MYO1E: variants seen among roughly 807,000 people sequenced by gnomAD.
MYO1E encodes myosin IE.
MYO1E carries 68 observed loss-of-function variants against 151.1 expected under a neutral mutation model. That is an observed-to-expected ratio of 0.45 (90% CI 0.37 to 0.55). The LOEUF (loss-of-function observed/expected upper bound fraction) is 0.55. MYO1E is among the 20% of genes least tolerant of loss of function. The pLI, the probability that MYO1E is intolerant of heterozygous loss-of-function variation, is 0.00. For missense variants in MYO1E, 1,363 were observed against 1,389.3 expected, an observed-to-expected ratio of 0.98 and a Z score of 0.30; for synonymous variants, 601 against 501.7, an observed-to-expected ratio of 1.20 and a Z score of -2.64.
At chr15:59,314,603 T>C (rs2080574230) in intron 1 of MYO1E, among the ~76,000 whole-genome samples, 1 of 151,808 alleles carries the variant, frequency 6.6e-6, no homozygotes, top group African/African-American at 2.4e-5. Flanking sequence ...TGGCTTAGGC[T>C]CATTATACAA....
At chr15:59,174,649 A>G (rs1267709967) in intron 19 of MYO1E, among the ~76,000 whole-genome samples, 1 of 152,144 alleles carries the variant, frequency 6.6e-6, no homozygotes, top group East Asian at 1.9e-4. Context: ...GCACTTCTGC[A>G]TGCAGCCTCT....
chr15:59,279,977 A>T (rs2080343679), intron 1 of MYO1E, among the ~76,000 whole-genome samples: 1 of 152,240 alleles, frequency 6.6e-6, no homozygotes, highest in African/African-American at 2.4e-5. Flanking sequence ...TTCATTGTGA[A>T]AAAAGTTAGA....
At chr15:59,205,534 A>AATTGAACAAAATCATTT in intron 14 of MYO1E, 49 bp from the exon 15 acceptor site, 1 of 1,337,826 alleles carries the variant, frequency 7.5e-7, no homozygotes, top group Non-Finnish European at 1.0e-6. Flanking sequence ...AAATGTAATT[A>AATTGAACAAAATCATTT]ATTGAACAAA....
At chr15:59,151,399 C>T (rs1353312011) in intron 26 of MYO1E, among the ~76,000 whole-genome samples, 2 of 152,080 alleles carry the variant, frequency 1.3e-5, no homozygotes, top group African/African-American at 2.4e-5. Context: ...CACTGCACTC[C>T]AGCCTGGCAA....
intron 2 of MYO1E, among the ~76,000 whole-genome samples, chr15:59,271,796 C>G (rs1295683460): frequency 6.6e-6 from 1 of 152,222 alleles, no homozygotes; most frequent in Non-Finnish European, 1.5e-5. Flanking sequence ...GCTTTGCAGT[C>G]AGGATGCATT....
In MYO1E at chr15:59,223,074, C is replaced by T. The variant is rs2140349213; in HGVS notation, c.895G>A (p.Val299Met). ...GGCTACGCACACTCTTCACTCTCCA[C>T]AGCCGCGTAGTTGCCAACTTCTTTG... Reference protein sequence around the residue: ...SFKEVGNYAAVESEEFLAFPA... With the variant: ...SFKEVGNYAAMESEEFLAFPA... Residue 299 changes from valine (V) to methionine (M), a missense_variant, in exon 9 of 28, where the codon GTG becomes ATG. Physicochemically the swap from Val to Met is conservative, Grantham distance 21. Transcript: ENST00000288235. 2 of 1,614,100 alleles carry T rather than the reference C, an allele frequency of 1.2e-6. No individual in the cohort carries two copies. Among genetic ancestry groups the T allele is most frequent in the Non-Finnish European group, 1.7e-6 (2 of 1,180,038 alleles).
At chr15:59,220,108 C>G (rs1246871037) in intron 9 of MYO1E, among the ~76,000 whole-genome samples, 3 of 152,146 alleles carry the variant, frequency 2.0e-5, no homozygotes, top group Non-Finnish European at 4.4e-5. Flanking sequence ...AAAGGTTTGA[C>G]CAGGGAAATG....
chr15:59,168,710 T>C (rs1446373850), intron 22 of MYO1E, among the ~76,000 whole-genome samples: 1 of 151,656 alleles, frequency 6.6e-6, no homozygotes. Context: ...AGCCTTGACC[T>C]ATTGGGCTCA....
chr15:59,267,103 GCAA>G (rs2080260482), intron 2 of MYO1E, among the ~76,000 whole-genome samples: 2 of 127,336 alleles, frequency 1.6e-5, no homozygotes, highest in Non-Finnish European at 3.1e-5. Context: ...TCGGCTCACT[GCAA>G]CCTCCGCCTC....
chr15:59,332,908 C>G (rs2080706543), intron 1 of MYO1E, among the ~76,000 whole-genome samples: 1 of 152,048 alleles, frequency 6.6e-6, no homozygotes, highest in Non-Finnish European at 1.5e-5. Context: ...AAGATTGGCT[C>G]CATGCTGTTA....
intron 1 of MYO1E, among the ~76,000 whole-genome samples, chr15:59,340,442 T>C (rs756211118): frequency 2.0e-5 from 3 of 152,214 alleles, no homozygotes; most frequent in Admixed American, 6.5e-5. Context: ...CTCTAGACAG[T>C]CTAATTTCTA....
At chr15:59,315,169 T>C (rs1478716199) in intron 1 of MYO1E, among the ~76,000 whole-genome samples, 3 of 152,188 alleles carry the variant, frequency 2.0e-5, no homozygotes, top group Non-Finnish European at 4.4e-5. Context: ...CTTCCTTGGA[T>C]GTTGTGAGGC....
At chr15:59,214,544 C>T in intron 11 of MYO1E, 96 bp downstream of exon 11, 1 of 1,219,992 alleles carries the variant, frequency 8.2e-7, no homozygotes, top group East Asian at 2.4e-5. Context: ...GGTTTGTTTT[C>T]TGTTTTTTTG....
At chr15:59,149,060 T>TTG (rs1566964395) in intron 26 of MYO1E, among the ~76,000 whole-genome samples, 1 of 140,504 alleles carries the variant, frequency 7.1e-6, no homozygotes, top group East Asian at 2.1e-4. Flanking sequence ...TTGTTTTTTT[T>TTG]TTTTTTTTTT....
At position 59,350,576 on chromosome 15, in the gene MYO1E, A is replaced by C. The variant is rs1341938957; in HGVS notation, c.3+21922T>G. On this transcript the variant is annotated intron_variant, in intron 1 of 27. Coordinates refer to ENST00000288235, the MANE Select transcript of MYO1E (RefSeq NM_004998.4). The surrounding 1 kb of genome is among the most constrained non-coding windows in gnomAD (Gnocchi z 5.0). ...GATCCACAGCTAACCATAATTCCCC[A>C]ATATGAACTGCCAGATAACCAGGGA... Among the ~76,000 whole-genome samples the C allele has an allele frequency of 2.0e-5, 3 of 152,218 alleles. No individual in the cohort carries two copies. Among genetic ancestry groups the C allele is most frequent in the African/African-American group, 7.2e-5 (3 of 41,460 alleles).
At chr15:59,193,530 T>A (rs902498420) in intron 17 of MYO1E, among the ~76,000 whole-genome samples, 5 of 152,164 alleles carry the variant, frequency 3.3e-5, no homozygotes, top group Non-Finnish European at 5.9e-5. Context: ...AGGGCTAAGA[T>A]GGGGAATGCT....
chr15:59,281,204 A>T (rs1480700471), intron 1 of MYO1E, among the ~76,000 whole-genome samples: 1 of 152,120 alleles, frequency 6.6e-6, no homozygotes, highest in Non-Finnish European at 1.5e-5. Context: ...CCTCCATGCG[A>T]TATGTCTGCC....
chr15:59,331,890 C>CT (rs1400062198), intron 1 of MYO1E, among the ~76,000 whole-genome samples: 1 of 152,112 alleles, frequency 6.6e-6, no homozygotes, highest in Non-Finnish European at 1.5e-5. Flanking sequence ...ATGCAGCTCT[C>CT]TTTTATTATT....
At chr15:59,303,202 A>G (rs751619826) in intron 1 of MYO1E, among the ~76,000 whole-genome samples, 1 of 152,208 alleles carries the variant, frequency 6.6e-6, no homozygotes, top group Admixed American at 6.5e-5. Context: ...TCCATCATCT[A>G]AAATGCAAAA....
Sources: allele counts gnomAD v4.1 joint callset (sites outside exome capture counted in the v4.1 genomes callset), GRCh38; gene constraint gnomAD v4.1.1; non-coding constraint Gnocchi (gnomAD v3.1); transcripts MANE v1.5; gene names NCBI Gene and HGNC (gene_info 2026-07-23, HGNC 2026-07-21).